The following PREP variants were observed in gnomAD, a reference collection of about 807,000 sequenced individuals.
The protein encoded by PREP is dJ355L5.1 (prolyl endopeptidase).
PREP carries 29 observed loss-of-function variants against 87.6 expected under a neutral mutation model. That is an observed-to-expected ratio of 0.33 (90% CI 0.25 to 0.45). PREP has a LOEUF of 0.45. PREP is among the 20% of genes least tolerant of loss of function. PREP has a pLI of 1.00. For synonymous variants in PREP, 337 were observed against 328.6 expected (o/e 1.03, Z -0.28); for missense variants, 695 against 886.5 (o/e 0.78, Z 2.74).
intron 10 of PREP, among the ~76,000 whole-genome samples, chr6:105,317,751 C>T (rs1397607339): frequency 6.6e-6 from 1 of 152,174 alleles, no homozygotes; most frequent in Non-Finnish European, 1.5e-5. Context: ...ACCTGGAGAG[C>T]CATCTGGACA....
intron 7 of PREP, among the ~76,000 whole-genome samples, chr6:105,344,706 C>T (rs1771753155): frequency 6.6e-6 from 1 of 152,052 alleles, no homozygotes; most frequent in African/African-American, 2.4e-5. Flanking sequence ...GGAGGGAGAG[C>T]ATTAGGAGAT....
intron 7 of PREP, among the ~76,000 whole-genome samples, chr6:105,334,313 C>T (rs1353285018): frequency 6.6e-6 from 1 of 152,260 alleles, no homozygotes; most frequent in Non-Finnish European, 1.5e-5. Context: ...GCCTCACTTC[C>T]TGTCCTTTAC....
chr6:105,367,342 C>T (rs773308965), intron 6 of PREP, among the ~76,000 whole-genome samples: 28 of 151,986 alleles, frequency 1.8e-4, no homozygotes, highest in Non-Finnish European at 3.4e-4. Flanking sequence ...AAAACAAATA[C>T]GTGAGAAAAA....
At chr6:105,285,145 A>T (rs970977842) in intron 12 of PREP, among the ~76,000 whole-genome samples, 2 of 152,220 alleles carry the variant, frequency 1.3e-5, no homozygotes, top group South Asian at 2.1e-4. Flanking sequence ...AAGGCTAACA[A>T]GAGACAGAAT....
intron 1 of PREP, among the ~76,000 whole-genome samples, chr6:105,402,418 T>TCACACACACACACACACACACA (rs36086068): frequency 6.8e-6 from 1 of 147,130 alleles, no homozygotes; most frequent in African/African-American, 2.5e-5. Flanking sequence ...AAATGTGACA[T>TCACACACACACACACACACACA]CACACACACA....
At chr6:105,285,952 T>TTGGGCAACAAGCA (rs1562186850) in intron 11 of PREP, among the ~76,000 whole-genome samples, 1 of 152,124 alleles carries the variant, frequency 6.6e-6, no homozygotes, top group Non-Finnish European at 1.5e-5. Flanking sequence ...ATTTTTGTAT[T>TTGGGCAACAAGCA]TTTAGTAGAG....
chr6:105,364,805 C>T (rs1214284732), intron 6 of PREP, among the ~76,000 whole-genome samples: 6 of 152,250 alleles, frequency 3.9e-5, no homozygotes, highest in African/African-American at 1.4e-4. Flanking sequence ...AGTCCTCCCA[C>T]TCTAACACTG....
chr6:105,292,123 T>C (rs907600642), intron 10 of PREP, among the ~76,000 whole-genome samples: 52 of 152,268 alleles, frequency 3.4e-4, no homozygotes, highest in African/African-American at 1.2e-3. Flanking sequence ...TCTTTCAAAC[T>C]CCTATTAATG....
At position 105,352,991 on chromosome 6, in the gene PREP, C is replaced by A. The variant is rs1414699871; in HGVS notation, c.804G>T (p.Gln268His). 1 of 1,613,668 alleles carries A rather than the reference C, an allele frequency of 6.2e-7. No homozygotes were observed. Among genetic ancestry groups the A allele is most frequent in the Admixed American group, 1.7e-5 (1 of 60,012 alleles). The change falls in exon 7 of 15, where the codon CAG (glutamine) becomes CAT (histidine). Residue 268 changes from glutamine (Q) to histidine (H), a missense_variant. Physicochemically the swap from Gln to His is conservative, Grantham distance 24. Transcript: ENST00000652536. ...VNRLWYCDLQ[Q>H]ESSGIAGILK... ...ACTCACCCGCGATGCCACTGGATTC[C>A]TGCTGTAGGTCACAGTACCAGAGTC...
chr6:105,312,711 C>T (rs776254080), intron 10 of PREP, among the ~76,000 whole-genome samples: 31 of 152,152 alleles, frequency 2.0e-4, no homozygotes, highest in Non-Finnish European at 3.4e-4. Context: ...CTCCCAGGGG[C>T]AGGAGCAAGA....
rs1203949691 is a variant in PREP, at chr6:105,273,394, T to A, written c.*4750A>T. Reference sequence around the variant, plus strand: ...GAACATTTTTGTCATCCCGGTTAGATCCTTTATGCCCAAGTAGTTAATTAC... The same window carrying A: ...GAACATTTTTGTCATCCCGGTTAGAACCTTTATGCCCAAGTAGTTAATTAC... On this transcript the variant is annotated 3_prime_UTR_variant, in exon 15 of 15. Coordinates refer to ENST00000652536, the MANE Select transcript of PREP (RefSeq NM_002726.5). 1 of 152,212 alleles carries A rather than the reference T, an allele frequency of 6.6e-6. No homozygotes were observed. The allele number at this position is 152,212 out of a possible 1,614,324, so 9.4% of individuals were successfully genotyped here.
chr6:105,398,087 C>T (rs989528887), intron 1 of PREP, among the ~76,000 whole-genome samples, 160 bp from the exon 2 acceptor site: 4 of 152,120 alleles, frequency 2.6e-5, no homozygotes, highest in Non-Finnish European at 5.9e-5. Flanking sequence ...CCAAAGTTGG[C>T]AGGTTCTCAA....
intron 13 of PREP, among the ~76,000 whole-genome samples, chr6:105,282,131 C>T (rs770826305): frequency 1.3e-5 from 2 of 152,110 alleles, no homozygotes; most frequent in African/African-American, 2.4e-5. Context: ...CTTTACTCCC[C>T]AAAGTGAATC....
intron 2 of PREP, among the ~76,000 whole-genome samples, chr6:105,384,875 C>T (rs1006866000): frequency 6.6e-6 from 1 of 152,156 alleles, no homozygotes; most frequent in East Asian, 1.9e-4. Context: ...AAGACAGGTT[C>T]CCAAAAATAC....
intron 10 of PREP, among the ~76,000 whole-genome samples, chr6:105,310,896 G>A (rs1019901655): frequency 5.9e-5 from 9 of 152,076 alleles, no homozygotes; most frequent in Admixed American, 3.9e-4. Context: ...AACTTAACAC[G>A]TCCAAAATAT....
intron 4 of PREP, 106 bp from the exon 5 acceptor site, chr6:105,373,684 G>A: frequency 9.0e-7 from 1 of 1,110,794 alleles, no homozygotes; most frequent in Non-Finnish European, 1.3e-6. Context: ...GGTAGAATGT[G>A]GCAATAAAAG....
intron 8 of PREP, among the ~76,000 whole-genome samples, chr6:105,331,417 G>A (rs879673456): frequency 2.1e-4 from 32 of 152,206 alleles, no homozygotes; most frequent in Non-Finnish European, 3.8e-4. Flanking sequence ...TTAAATGGCA[G>A]AAATTCAGAT....
chr6:105,339,590 G>A lies in PREP; in HGVS notation c.824-6085C>T, dbSNP rs1024896119. The stretch of plus-strand genomic sequence containing the variant: ...ATGATCGGTAATAACAAAATTCTCC[G>A]AGCTAAAGGAGGATATTCGAACCCA... On this transcript the variant is annotated intron_variant, in intron 7 of 14. Coordinates refer to ENST00000652536, the MANE Select transcript of PREP (RefSeq NM_002726.5). 1.3e-4 allele frequency among the ~76,000 whole-genome samples: 20 copies of A among 152,210 alleles called. No individual in the cohort carries two copies. The South Asian group carries it at 3.5e-3, about 27-fold the overall frequency.
intron 2 of PREP, among the ~76,000 whole-genome samples, chr6:105,389,520 C>T (rs761450752): frequency 5.3e-5 from 8 of 152,328 alleles, no homozygotes; most frequent in Middle Eastern, 3.4e-3. Flanking sequence ...TCAAAGAACA[C>T]TGTACACCAA....
Sources: allele counts gnomAD v4.1 joint callset (sites outside exome capture counted in the v4.1 genomes callset), GRCh38; gene constraint gnomAD v4.1.1; transcripts MANE v1.5; gene names NCBI Gene and HGNC (gene_info 2026-07-23, HGNC 2026-07-21).